The following TJP1 variants were observed in gnomAD, a reference collection of about 807,000 sequenced individuals.
The protein encoded by TJP1 is tight junction protein 1, also known as tight junction protein ZO-1.
TJP1 carries 43 observed loss-of-function variants against 194.2 expected under a neutral mutation model. That is an observed-to-expected ratio of 0.22 (90% CI 0.17 to 0.29). The LOEUF (loss-of-function observed/expected upper bound fraction) is 0.29. TJP1 is among the 10% of genes least tolerant of loss of function. TJP1 has a pLI of 1.00. For synonymous variants in TJP1, 801 were observed against 779.0 expected, an observed-to-expected ratio of 1.03 and a Z score of -0.47; for missense variants, 1,971 against 2,185.7, an observed-to-expected ratio of 0.90 and a Z score of 1.96.
rs547365560 is a variant in TJP1 at position 29,740,439 on chromosome 15, A to G, written c.1256+892T>C. On this transcript the variant is annotated intron_variant, in intron 10 of 27. Transcript: ENST00000614355. The stretch of plus-strand genomic sequence containing the variant: ...CCAGGACTTTTAGACCAGCCTGGGC[A>G]ATGCGGCGAAACAAAACCCCGTCTC... Among the ~76,000 whole-genome samples the G allele has an allele frequency of 5.9e-5, 9 of 152,094 alleles. No homozygotes were observed. In the East Asian group the frequency reaches 1.4e-3, roughly 23 times the overall value.
intron 2 of TJP1, among the ~76,000 whole-genome samples, chr15:29,949,616 ACCACCACCT>A (rs2055530054): frequency 1.1e-5 from 1 of 88,960 alleles, no homozygotes. Flanking sequence ...CACCTTCACC[ACCACCACCT>A]CCACCTCCAC....
intron 8 of TJP1, chr15:29,743,066 T>C (rs2044531583): frequency 4.4e-6 from 1 of 225,526 alleles, no homozygotes; most frequent in South Asian, 1.8e-4. Context: ...GAACATAACA[T>C]TTAATAAATG....
intron 2 of TJP1, among the ~76,000 whole-genome samples, chr15:29,916,769 A>T (rs2054200308): frequency 6.6e-6 from 1 of 152,228 alleles, no homozygotes; most frequent in Non-Finnish European, 1.5e-5. Context: ...ATATATGTTC[A>T]TCATAAATTA....
intron 2 of TJP1, among the ~76,000 whole-genome samples, chr15:29,921,188 A>G (rs1232745025): frequency 2.0e-5 from 3 of 152,178 alleles, no homozygotes; most frequent in Non-Finnish European, 2.9e-5. Context: ...TCAACAACCC[A>G]GCCTCAAGCT....
chr15:29,749,299 G>C (rs1311715495), intron 8 of TJP1, among the ~76,000 whole-genome samples: 1 of 152,188 alleles, frequency 6.6e-6, no homozygotes, highest in Non-Finnish European at 1.5e-5. Flanking sequence ...TAGGTCACAT[G>C]AACGGACTCA....
chr15:29,727,967 G>C lies in TJP1; in HGVS notation c.2070C>G (p.Arg690=). The change falls in exon 16 of 28, where the codon CGC becomes CGG. Residue 690 remains arginine (R), a synonymous_variant. Coordinates refer to ENST00000614355, the MANE Select transcript of TJP1 (RefSeq NM_001330239.4). The part of the protein sequence containing the change: ...GTDQRSSGII[R]LHTIKQIIDQ... ...CTATGATTTGCTTTATTGTATGCAG[G>C]CGAATAATGCCAGAGCTACGTTGGT... 1 of 1,613,960 alleles carries C rather than the reference G, an allele frequency of 6.2e-7. No individual in the cohort carries two copies. The highest frequency in any genetic ancestry group is 8.5e-7 in the Non-Finnish European group (1 of 1,179,920).
intron 19 of TJP1, 82 bp from the exon 20 acceptor site, chr15:29,720,098 C>T: frequency 6.7e-7 from 1 of 1,493,434 alleles, no homozygotes; most frequent in Non-Finnish European, 8.9e-7. Context: ...GATTGGTAGA[C>T]ATACATTTTA....
At chr15:29,920,776 C>A (rs1277228525) in intron 2 of TJP1, among the ~76,000 whole-genome samples, 1 of 152,258 alleles carries the variant, frequency 6.6e-6, no homozygotes, top group East Asian at 1.9e-4. Context: ...TGGCTCCGTT[C>A]CCGAAGCTGA....
chr15:29,726,525 A>G (rs778083150), intron 17 of TJP1, 46 bp from the exon 18 acceptor site: 2 of 1,564,806 alleles, frequency 1.3e-6, no homozygotes, highest in East Asian at 2.2e-5. Flanking sequence ...AGCACTGCCA[A>G]AAGTCAGAAT....
intron 23 of TJP1, among the ~76,000 whole-genome samples, chr15:29,713,267 G>A (rs1001877911): frequency 4.6e-5 from 7 of 152,192 alleles, no homozygotes; most frequent in African/African-American, 1.7e-4. Context: ...TGAGACATGT[G>A]CACAGCCCTG....
At chr15:29,952,018 A>G (rs1212396747) in intron 2 of TJP1, among the ~76,000 whole-genome samples, 1 of 152,238 alleles carries the variant, frequency 6.6e-6, no homozygotes, top group Non-Finnish European at 1.5e-5. Flanking sequence ...AACTTCTTTG[A>G]CTATACACTT....
intron 2 of TJP1, among the ~76,000 whole-genome samples, chr15:29,950,348 ACCT>A (rs2055697070): frequency 6.7e-6 from 1 of 148,926 alleles, no homozygotes; most frequent in Admixed American, 6.7e-5. Flanking sequence ...CACCACCACC[ACCT>A]CCATTACCAC....
chr15:29,892,252 G>C (rs900909453), intron 2 of TJP1, among the ~76,000 whole-genome samples: 1 of 152,212 alleles, frequency 6.6e-6, no homozygotes, highest in Non-Finnish European at 1.5e-5. Flanking sequence ...AAGGCTAAGA[G>C]ATTTGAGGAA....
At chr15:29,884,348 C>A (rs1437738801) in intron 2 of TJP1, among the ~76,000 whole-genome samples, 1 of 152,174 alleles carries the variant, frequency 6.6e-6, no homozygotes, top group Non-Finnish European at 1.5e-5. Flanking sequence ...GTCAGCCCCA[C>A]ACCAGGCCCA....
chr15:29,897,300 C>T (rs1458012957), intron 2 of TJP1, among the ~76,000 whole-genome samples: 1 of 152,136 alleles, frequency 6.6e-6, no homozygotes, highest in South Asian at 2.1e-4. Flanking sequence ...TTGGCAGCTT[C>T]GATGTGGTGT....
Position 29,718,913 on chromosome 15 carries a change from G to T in TJP1, c.3229C>A (p.Arg1077Ser), listed in dbSNP as rs201899316. The change falls in exon 21 of 28, where the codon CGT (arginine) becomes AGT (serine). Residue 1077 changes from arginine (R) to serine (S), a missense_variant. Arg to Ser is a moderately radical substitution (Grantham distance 110, BLOSUM62 -1). Around this residue, in one of 5 missense-constraint regions of TJP1, gnomAD observed 1,108 missense variants for 1,128.5 expected, o/e 0.98. Transcript: ENST00000614355. ...GGGACGCGATCTTCGTATCGCAGAC[G>T]ATGTTCATAGTTTCGAGAAAACTGG... ...TDQFSRNYEH[R>S]LRYEDRVPMY... 358 of 1,614,074 alleles carry T rather than the reference G, an allele frequency of 2.2e-4. 1 individual carries two copies. The highest frequency in any genetic ancestry group is 1.2e-4 in the Admixed American group (7 of 60,002).
chr15:29,908,156 G>A (rs1293693752), intron 2 of TJP1, among the ~76,000 whole-genome samples: 1 of 139,920 alleles, frequency 7.1e-6, no homozygotes, highest in African/African-American at 2.6e-5. Flanking sequence ...AGAAGAAAAT[G>A]TTTCCCAAAT....
intron 2 of TJP1, among the ~76,000 whole-genome samples, chr15:29,786,121 G>A (rs1447418477): frequency 6.6e-6 from 1 of 152,174 alleles, no homozygotes; most frequent in Non-Finnish European, 1.5e-5. Context: ...TTCTCAAAAT[G>A]CTGTTCAATC....
At chr15:29,920,705 T>C (rs533582438) in intron 2 of TJP1, among the ~76,000 whole-genome samples, 22 of 152,300 alleles carry the variant, frequency 1.4e-4, no homozygotes, top group Non-Finnish European at 2.2e-4. Flanking sequence ...GAAGCTGCTG[T>C]GACAGCCCTG....
Sources: allele counts gnomAD v4.1 joint callset (sites outside exome capture counted in the v4.1 genomes callset), GRCh38; gene constraint gnomAD v4.1.1; regional missense constraint gnomAD v4.1.1; transcripts MANE v1.5; gene names NCBI Gene and HGNC (gene_info 2026-07-23, HGNC 2026-07-21).